The following SLC6A8 variants were observed in gnomAD, a reference collection of about 807,000 sequenced individuals.
SLC6A8 encodes the protein solute carrier family 6 member 8, also known as sodium- and chloride-dependent creatine transporter 1.
A neutral mutation model predicts 48.3 loss-of-function variants in SLC6A8; 6 were observed. The ratio of observed to expected loss-of-function variants is 0.12; its 90% CI spans 0.07 to 0.25. The LOEUF (loss-of-function observed/expected upper bound fraction) is 0.25. Ranked by LOEUF, SLC6A8 falls within the 10% of genes least tolerant of loss-of-function variation. SLC6A8 has a pLI of 1.00. For synonymous variants in SLC6A8, 245 were observed against 244.0 expected, an observed-to-expected ratio of 1.00 and a Z score of -0.04; for missense variants, 260 against 551.5, an observed-to-expected ratio of 0.47 and a Z score of 5.29.
rs782521147 is a variant in SLC6A8 at position 153,694,418 on chromosome X, G to C, written c.1467G>C (p.Trp489Cys). 8.3e-7 allele frequency: 1 copy of C among 1,209,789 alleles called. No individual in the cohort carries two copies. The highest frequency in any genetic ancestry group is 1.7e-5 in the African/African-American group (1 of 57,722). The change falls in exon 10 of 13, where the codon TGG becomes TGC. Residue 489 changes from tryptophan to cysteine, a missense_variant. This residue lies in a region of SLC6A8 where 6 missense variants were observed against 35.1 expected (regional missense o/e 0.17). Transcript: ENST00000253122. The stretch of plus-strand genomic sequence containing the variant: ...CCACCCTGCTCTGGCAGGCCTTTTG[G>C]GAGTGCGTGGTGGTGGCCTGGGTGT... The part of the protein sequence containing the change: ...SGTTLLWQAF[W>C]ECVVVAWVYG...
chrX:153,691,832 C>G, intron 3 of SLC6A8, 143 bp from the exon 4 acceptor site: 1 of 710,972 alleles, frequency 1.4e-6, no homozygotes, highest in Non-Finnish European at 2.1e-6. Context: ...GGATCGTGGG[C>G]TCCAGGCCCA....
In SLC6A8 at chrX:153,688,411, C is replaced by T. The variant is rs2091433815; in HGVS notation, c.-164C>T. ...CTGACTGCGCCGCCCGCGCCCCGCA[C>T]CCCGCCGCCCGCCCGCCGCCCCGTC... is the stretch of plus-strand genomic sequence containing the variant. On this transcript the variant is annotated 5_prime_UTR_variant, in exon 1 of 13. Transcript: ENST00000253122. 9.9e-6 allele frequency: 1 copy of T among 101,286 alleles called. No homozygotes were observed. Among genetic ancestry groups the T allele is most frequent in the Non-Finnish European group, 2.0e-5 (1 of 48,919 alleles). 8.3% of individuals were successfully genotyped at this position (101,286 alleles called of 1,213,427 possible). A position where few individuals can be genotyped will look rare whatever the true frequency, so the allele number is the denominator to read the frequency against.
rs1476492304 is a variant in SLC6A8 at position 153,688,228 on chromosome X, G to T, written c.-347G>T. 1 of 100,161 alleles carries T rather than the reference G, an allele frequency of 1.0e-5. No homozygotes were observed. The highest frequency in any genetic ancestry group is 3.6e-5 in the African/African-American group (1 of 27,870). 8.3% of individuals were successfully genotyped at this position (100,161 alleles called of 1,213,427 possible). On this transcript the variant is annotated 5_prime_UTR_variant, in exon 1 of 13. Transcript: ENST00000253122. The stretch of plus-strand genomic sequence containing the variant: ...TGAGCCTCGGGTCGGGCGAGGAGCC[G>T]CCGCAGCCGCCGCCGCCCGAGCCGC...
At chrX:153,692,346 TG>T (rs2091460677) in intron 4 of SLC6A8, 6 of 448,397 alleles carry the variant, frequency 1.3e-5, no homozygotes, top group Non-Finnish European at 2.5e-5. Context: ...CCCCCACTGG[TG>T]CCCTCCTGCC....
chrX:153,694,400 G>C lies in SLC6A8; in HGVS notation c.1449G>C (p.Leu483=). 1 of 1,210,937 alleles carries C rather than the reference G, an allele frequency of 8.3e-7. No individual in the cohort carries two copies. Among genetic ancestry groups the C allele is most frequent in the Non-Finnish European group, 1.1e-6 (1 of 894,860 alleles). ...FDYYSASGTT[L]LWQAFWECVV... Reference sequence around the variant, plus strand: ...ACTACTCGGCCAGCGGCACCACCCTGCTCTGGCAGGCCTTTTGGGAGTGCG... The same window carrying C: ...ACTACTCGGCCAGCGGCACCACCCTCCTCTGGCAGGCCTTTTGGGAGTGCG... The change falls in exon 10 of 13, where the codon CTG becomes CTC. Residue 483 remains leucine (L), a synonymous_variant. Transcript: ENST00000253122.
rs1165802228 is a variant in SLC6A8 at position 153,696,095 on chromosome X, CAA to C, written c.*884_*885del. The C allele has an allele frequency of 1.6e-5, 3 of 190,183 alleles. No homozygotes were observed. Among genetic ancestry groups the C allele is most frequent in the South Asian group, 7.9e-5 (1 of 12,644 alleles). 15.7% of individuals were successfully genotyped at this position (190,183 alleles called of 1,213,427 possible). A position where few individuals can be genotyped will look rare whatever the true frequency, so the allele number is the denominator to read the frequency against. On this transcript the variant is annotated 3_prime_UTR_variant, in exon 13 of 13. Transcript: ENST00000253122. ...ATAGATCTAACTTTCATAGGCAAAA[CAA>C]AAGCTTCGAGCTGTTGCGTGTGTGA...
Position 153,688,270 on chromosome X carries a change from AGCC to A in SLC6A8, c.-283_-281del, listed in dbSNP as rs1164834214. 0.024 allele frequency: 2,288 copies of A among 94,592 alleles called. 51 individuals carry two copies. The highest frequency in any genetic ancestry group is 0.078 in the African/African-American group (2,013 of 25,728). 7.8% of individuals were successfully genotyped at this position (94,592 alleles called of 1,213,427 possible). On this transcript the variant is annotated 5_prime_UTR_variant, in exon 1 of 13. Coordinates refer to ENST00000253122, the MANE Select transcript of SLC6A8 (RefSeq NM_005629.4). The stretch of plus-strand genomic sequence containing the variant: ...CCGAGCCGCGGGCAGGAGCCTCGGG[AGCC>A]GCCGCCGCCGCCGCCGCCGCCCGGC...
chrX:153,695,543 G>A lies in SLC6A8; in HGVS notation c.*329G>A. ...GCCCACCCCCTGCCCACCTCTCCAG[G>A]CTCTGCTCTGCAGCACACCCGTGGG... On this transcript the variant is annotated 3_prime_UTR_variant, in exon 13 of 13. Transcript: ENST00000253122. 3.3e-6 allele frequency: 1 copy of A among 302,834 alleles called. No homozygotes were observed. Among genetic ancestry groups the A allele is most frequent in the Non-Finnish European group, 5.9e-6 (1 of 169,432 alleles). 25.0% of individuals were successfully genotyped at this position (302,834 alleles called of 1,213,427 possible).
rs782748018 is a variant in SLC6A8, at chrX:153,694,867, G to A, written c.1745G>A (p.Arg582Lys). 1.7e-6 allele frequency: 2 copies of A among 1,199,206 alleles called. No individual in the cohort carries two copies. Among genetic ancestry groups the A allele is most frequent in the Non-Finnish European group, 2.2e-6 (2 of 889,516 alleles). ...CTGCACCTCCTGGGCTGCCTCCTCA[G>A]GGCCAAGGGCACCATGGCTGAGGTA... is the stretch of plus-strand genomic sequence containing the variant. ...VPLHLLGCLL[R>K]AKGTMAERWQ... is the part of the protein sequence containing the mutation. Residue 582 changes from arginine (R) to lysine (K), a missense_variant, in exon 12 of 13, where the codon AGG becomes AAG. Arg to Lys is a conservative substitution (Grantham distance 26, BLOSUM62 2). Around this residue, in one of 7 missense-constraint regions of SLC6A8, gnomAD observed 87 missense variants for 120.9 expected, o/e 0.72. Transcript: ENST00000253122.
At position 153,695,277 on chromosome X, in the gene SLC6A8, C is replaced by T. The variant is rs1447948440; in HGVS notation, c.*63C>T. The T allele has an allele frequency of 1.4e-4, 150 of 1,102,138 alleles. No homozygotes were observed. The highest frequency in any genetic ancestry group is 1.6e-4 in the Non-Finnish European group (130 of 814,801). 90.8% of individuals were successfully genotyped at this position (1,102,138 alleles called of 1,213,427 possible). On this transcript the variant is annotated 3_prime_UTR_variant, in exon 13 of 13. Transcript: ENST00000253122. ...ATAGCAGCCCCTGCTTCAGCCCCAC[C>T]GCACCCCTCCAGGGGGCCTGCCTTT...
rs782686396 is a variant in SLC6A8 at position 153,694,997 on chromosome X, C to T, written c.1768-77C>T. 5.2e-4 allele frequency: 590 copies of T among 1,145,555 alleles called. 1 individual carries two copies. Among genetic ancestry groups the T allele is most frequent in the Admixed American group, 2.3e-3 (92 of 39,433 alleles). The allele number at this position is 1,145,555 out of a possible 1,213,427, so 94.4% of individuals were successfully genotyped here. On this transcript the variant is annotated intron_variant, in intron 12 of 12. Transcript: ENST00000253122. ...GACTAGGGTGGCAGGCAGTGGGAAC[C>T]GGAGAGAGGCAGAGGAAGTCACCGT...
At position 153,690,487 on chromosome X, in the gene SLC6A8, C is replaced by T. The variant is rs1169070771; in HGVS notation, c.375C>T (p.Asn125=). ...AGGCCGGCAGCATCAATGTCTGGAA[C>T]ATCTGTCCCCTGTTCAAAGGTGAGC... ...FMKAGSINVW[N]ICPLFKGLGY... is the part of the protein sequence containing the mutation. Residue 125 remains asparagine, a synonymous_variant, in exon 2 of 13, where the codon AAC becomes AAT. Transcript: ENST00000253122. The T allele has an allele frequency of 1.7e-6, 2 of 1,186,218 alleles. No individual in the cohort carries two copies. The highest frequency in any genetic ancestry group is 1.1e-6 in the Non-Finnish European group (1 of 881,376).
At chrX:153,690,011 G>A (rs1443681012) in intron 1 of SLC6A8, among the ~76,000 whole-genome samples, 4 of 112,841 alleles carry the variant, frequency 3.5e-5, no homozygotes, top group African/African-American at 6.4e-5. Flanking sequence ...ACACATGCAC[G>A]TGCCCTCACT....
chrX:153,692,951 T>C, intron 4 of SLC6A8, 90 bp from the exon 5 acceptor site: 1 of 1,093,397 alleles, frequency 9.1e-7, no homozygotes, highest in African/African-American at 1.8e-5. Context: ...CCTCTGAACA[T>C]ACCTGCCCGC....
At position 153,694,413 on chromosome X, in the gene SLC6A8, T is replaced by A. The variant is rs2091475956; in HGVS notation, c.1462T>A (p.Phe488Ile). 1 of 1,206,932 alleles carries A rather than the reference T, an allele frequency of 8.3e-7. No individual in the cohort carries two copies. The highest frequency in any genetic ancestry group is 1.8e-5 in the African/African-American group (1 of 56,900). Residue 488 changes from phenylalanine to isoleucine, a missense_variant, in exon 10 of 13, where the codon TTT becomes ATT. Around this residue, in one of 7 missense-constraint regions of SLC6A8, gnomAD observed 6 missense variants for 35.1 expected, o/e 0.17. Coordinates refer to ENST00000253122, the MANE Select transcript of SLC6A8 (RefSeq NM_005629.4). ...ASGTTLLWQA[F>I]WECVVVAWVY... ...CGGCACCACCCTGCTCTGGCAGGCC[T>A]TTTGGGAGTGCGTGGTGGTGGCCTG...
chrX:153,692,998 G>A, intron 4 of SLC6A8, 43 bp from the exon 5 acceptor site: 1 of 1,208,010 alleles, frequency 8.3e-7, no homozygotes, highest in African/African-American at 1.7e-5. Context: ...GGGGTGTGAG[G>A]GAGGTGGTGC....
At chrX:153,690,897 C>A (rs2091452106) in intron 2 of SLC6A8, 2 of 238,553 alleles carry the variant, frequency 8.4e-6, no homozygotes, top group Non-Finnish European at 1.5e-5. Context: ...TAGAAACCCC[C>A]CCCCCCCACC....
At position 153,693,292 on chromosome X, in the gene SLC6A8, C is replaced by G. The variant is rs144678921; in HGVS notation, c.942C>G (p.Phe314Leu). The change falls in exon 6 of 13, where the codon TTC (phenylalanine) becomes TTG (leucine). Residue 314 changes from phenylalanine to leucine, a missense_variant. This residue lies in a region of SLC6A8 where 75 missense variants were observed against 248.8 expected (regional missense o/e 0.30). Transcript: ENST00000253122. ...QVWIDAGTQI[F>L]FSYAIGLGAL... ...GGATAGATGCGGGGACCCAGATTTT[C>G]TTTTCTTACGCCATTGGCCTGGGGG... 1 of 1,211,695 alleles carries G rather than the reference C, an allele frequency of 8.3e-7. No homozygotes were observed. The highest frequency in any genetic ancestry group is 1.8e-5 in the South Asian group (1 of 57,014).
rs782722002 is a variant in SLC6A8 at position 153,696,374 on chromosome X, T to TC, written c.*1163dup. ...CGTCCAGGCTTAAGGTGGATGCACT[T>TC]CCCGCACCTCCAGTCTTCTGTGTAG... On this transcript the variant is annotated 3_prime_UTR_variant, in exon 13 of 13. Transcript: ENST00000253122. 3.0e-6 allele frequency: 1 copy of TC among 331,145 alleles called. No homozygotes were observed. Among genetic ancestry groups the TC allele is most frequent in the Non-Finnish European group, 5.9e-6 (1 of 169,921 alleles). 27.3% of individuals were successfully genotyped at this position (331,145 alleles called of 1,213,427 possible).
Sources: allele counts gnomAD v4.1 joint callset (sites outside exome capture counted in the v4.1 genomes callset), GRCh38; gene constraint gnomAD v4.1.1; regional missense constraint gnomAD v4.1.1; transcripts MANE v1.5; gene names NCBI Gene and HGNC (gene_info 2026-07-23, HGNC 2026-07-21).